The following VAV2 variants were observed in gnomAD, a reference collection of about 807,000 sequenced individuals.
The protein encoded by VAV2 is vav guanine nucleotide exchange factor 2, also known as guanine nucleotide exchange factor VAV2.
A neutral mutation model predicts 132.5 loss-of-function variants in VAV2; 67 were observed. The observed-to-expected ratio is 0.51, with a 90% CI of 0.42 to 0.62. The LOEUF is 0.62. VAV2 is among the 20% of genes least tolerant of loss of function. The pLI, the probability that VAV2 is intolerant of heterozygous loss-of-function variation, is 0.00. For missense variants in VAV2, 938 were observed against 1,153.6 expected (o/e 0.81, Z 2.71); for synonymous variants, 492 against 443.5 (o/e 1.11, Z -1.37).
intron 3 of VAV2, among the ~76,000 whole-genome samples, chr9:133,848,407 C>T (rs536830213): frequency 1.1e-4 from 16 of 151,938 alleles, no homozygotes; most frequent in Admixed American, 3.9e-4. Flanking sequence ...CTGGAGTAGA[C>T]GCAGCTCCTT....
intron 2 of VAV2, among the ~76,000 whole-genome samples, chr9:133,866,397 C>A (rs1411860591): frequency 6.6e-6 from 1 of 152,190 alleles, no homozygotes; most frequent in Non-Finnish European, 1.5e-5. Context: ...CTCACAAGAA[C>A]CTCCAAGCAA....
chr9:133,939,249 G>A lies in VAV2; in HGVS notation c.205-30C>T, dbSNP rs1291415034. On this transcript the variant is annotated intron_variant, in intron 1 of 29. Transcript: ENST00000371850. ...AGGGAAAAAACAAAGGGAGGGCAAG[G>A]AAAAACTTATTAAAACTGTAAGCTC... 4 of 1,592,678 alleles carry A rather than the reference G, an allele frequency of 2.5e-6. No homozygotes were observed. The Admixed American group carries it at 6.7e-5, about 27-fold the overall frequency.
At position 133,788,564 on chromosome 9, in the gene VAV2, C is replaced by T. The variant is rs1834328040; in HGVS notation, c.1275-78G>A. On this transcript the variant is annotated intron_variant, in intron 14 of 29. Coordinates refer to ENST00000371850, the MANE Select transcript of VAV2 (RefSeq NM_001134398.2). This position sits in a 1 kb window ranked among gnomAD's most constrained non-coding sequence, Gnocchi z 5.3. Reference sequence around the variant, plus strand: ...TCCGAGGAGGCGGCAGGAGCTGAGCCTGAGGCTCTGGCACGCGGCTCCCTC... The same window carrying T: ...TCCGAGGAGGCGGCAGGAGCTGAGCTTGAGGCTCTGGCACGCGGCTCCCTC... The T allele has an allele frequency of 1.9e-6, 3 of 1,554,608 alleles. No individual in the cohort carries two copies. Among genetic ancestry groups the T allele is most frequent in the Non-Finnish European group, 2.6e-6 (3 of 1,141,112 alleles).
chr9:133,938,455 A>G (rs1841005499), intron 2 of VAV2, among the ~76,000 whole-genome samples: 1 of 152,130 alleles, frequency 6.6e-6, no homozygotes, highest in African/African-American at 2.4e-5. Context: ...ACAGCCTCCC[A>G]GGGCCTTTGC....
At chr9:133,816,280 C>T (rs765035795) in intron 4 of VAV2, among the ~76,000 whole-genome samples, 34 of 152,342 alleles carry the variant, frequency 2.2e-4, no homozygotes, top group Middle Eastern at 6.8e-3. Flanking sequence ...TGGCTATTCA[C>T]TTTCTTAATG....
At chr9:133,963,317 A>G (rs1842024012) in intron 1 of VAV2, among the ~76,000 whole-genome samples, 1 of 152,196 alleles carries the variant, frequency 6.6e-6, no homozygotes, top group Non-Finnish European at 1.5e-5. Flanking sequence ...AAGACCCAGG[A>G]AACGCCACTG....
At chr9:133,807,111 T>G in intron 8 of VAV2, 147 bp downstream of exon 8, 3 of 865,112 alleles carry the variant, frequency 3.5e-6, no homozygotes, top group Middle Eastern at 3.7e-4. Context: ...GAGAGAGCGG[T>G]GGGGGCTCCT....
intron 2 of VAV2, among the ~76,000 whole-genome samples, chr9:133,937,567 G>A (rs1271408678): frequency 1.3e-5 from 2 of 151,596 alleles, no homozygotes; most frequent in African/African-American, 4.9e-5. Context: ...TGTTCTGAAG[G>A]ACCTTCACTA....
In VAV2 at chr9:133,928,186, T is replaced by C. The variant is rs13292053; in HGVS notation, c.321+10917A>G. On this transcript the variant is annotated intron_variant, in intron 2 of 29. Coordinates refer to ENST00000371850, the MANE Select transcript of VAV2 (RefSeq NM_001134398.2). This position sits in a 1 kb window ranked among gnomAD's most constrained non-coding sequence, Gnocchi z 5.4. ...TACCGACTCCGTGTGTGTGTGTGTGTGTGCGTGCATGTGTGTATGTCTGTG... is the reference window on the plus strand; with the variant it reads ...TACCGACTCCGTGTGTGTGTGTGTGCGTGCGTGCATGTGTGTATGTCTGTG... 0.86 allele frequency among the ~76,000 whole-genome samples: 130,098 copies of C among 151,406 alleles called. 57,030 individuals are homozygous for C. Among genetic ancestry groups the C allele is most frequent in the East Asian group, 0.97 (4,977 of 5,152 alleles).
At chr9:133,849,721 G>A (rs781355423) in intron 3 of VAV2, among the ~76,000 whole-genome samples, 1 of 152,130 alleles carries the variant, frequency 6.6e-6, no homozygotes, top group Non-Finnish European at 1.5e-5. Flanking sequence ...GCTCAGGTGG[G>A]CTCCATGTGT....
chr9:133,936,120 T>C (rs569067934), intron 2 of VAV2, among the ~76,000 whole-genome samples: 59 of 152,152 alleles, frequency 3.9e-4, no homozygotes, highest in African/African-American at 1.4e-3. Flanking sequence ...TTGGAGAAGC[T>C]GAGTCACTTG....
rs553935709 is a variant in VAV2 at position 133,885,606 on chromosome 9, C to A, written c.322-24174G>T. Among the ~76,000 whole-genome samples the A allele has an allele frequency of 6.6e-6, 1 of 152,290 alleles. No individual in the cohort carries two copies. The highest frequency in any genetic ancestry group is 6.5e-5 in the Admixed American group (1 of 15,296). ...CCGCAGGGGAGACGTGACCCCAGGG[C>A]GGACCCCTCCCAAGCTTGGTGTGGT... On this transcript the variant is annotated intron_variant, in intron 2 of 29. Transcript: ENST00000371850. This position sits in a 1 kb window ranked among gnomAD's most constrained non-coding sequence, Gnocchi z 5.0.
chr9:133,929,815 C>G (rs934641777), intron 2 of VAV2, among the ~76,000 whole-genome samples: 43 of 152,272 alleles, frequency 2.8e-4, no homozygotes, highest in Middle Eastern at 6.8e-3. Flanking sequence ...CCCCCAGCGG[C>G]CTGTCCCCAC....
chr9:133,967,933 CAAAAAAAAA>C (rs34152925), intron 1 of VAV2, among the ~76,000 whole-genome samples: 2 of 71,362 alleles, frequency 2.8e-5, no homozygotes. Flanking sequence ...ACTCTATAAC[CAAAAAAAAA>C]AAAAAAAAAA....
At chr9:133,931,900 A>G (rs1232049092) in intron 2 of VAV2, among the ~76,000 whole-genome samples, 3 of 152,302 alleles carry the variant, frequency 2.0e-5, no homozygotes, top group Non-Finnish European at 4.4e-5. Context: ...GTTACCGTGC[A>G]CCAGTTGCTT....
chr9:133,839,646 T>C, intron 3 of VAV2, among the ~76,000 whole-genome samples: 1 of 152,040 alleles, frequency 6.6e-6, no homozygotes, highest in East Asian at 1.9e-4. Flanking sequence ...AGACAGGGTT[T>C]CACTATGGTG....
Position 133,992,031 on chromosome 9 carries a change from C to G in VAV2, c.204+44G>C, listed in dbSNP as rs200921358. On this transcript the variant is annotated intron_variant, in intron 1 of 29. Transcript: ENST00000371850. The surrounding 1 kb of genome is among the most constrained non-coding windows in gnomAD (Gnocchi z 5.5). ...CGTTCAGTCCGCGCGTCGGGCAGCG[C>G]GAACGCCGCCTCCCCGGGGCCCTCC... The G allele has an allele frequency of 2.1e-4, 310 of 1,447,484 alleles. 3 individuals are homozygous for G. In the East Asian group the frequency reaches 9.0e-3, roughly 42 times the overall value. 89.7% of individuals were successfully genotyped at this position (1,447,484 alleles called of 1,614,324 possible). A position where few individuals can be genotyped will look rare whatever the true frequency, so the allele number is the denominator to read the frequency against.
rs963099022 is a variant in VAV2, at chr9:133,991,240, A to G, written c.204+835T>C. On this transcript the variant is annotated intron_variant, in intron 1 of 29. Coordinates refer to ENST00000371850, the MANE Select transcript of VAV2 (RefSeq NM_001134398.2). The surrounding 1 kb of genome is among the most constrained non-coding windows in gnomAD (Gnocchi z 4.8). ...CCGGTAAGGATTCCGCGACCCCCGGAGAACAGGACGGAAGCCTCGATTCTC... is the reference window on the plus strand; with the variant it reads ...CCGGTAAGGATTCCGCGACCCCCGGGGAACAGGACGGAAGCCTCGATTCTC... Among the ~76,000 whole-genome samples, 5 of 152,148 alleles carry G rather than the reference A, an allele frequency of 3.3e-5. No individual in the cohort carries two copies. The highest frequency in any genetic ancestry group is 4.4e-5 in the Non-Finnish European group (3 of 68,032).
rs1837421641 is a variant in VAV2 at position 133,857,312 on chromosome 9, C to A, written c.380+4062G>T. Among the ~76,000 whole-genome samples the A allele has an allele frequency of 6.6e-6, 1 of 152,214 alleles. No homozygotes were observed. The highest frequency in any genetic ancestry group is 1.5e-5 in the Non-Finnish European group (1 of 68,048). On this transcript the variant is annotated intron_variant, in intron 3 of 29. Coordinates refer to ENST00000371850, the MANE Select transcript of VAV2 (RefSeq NM_001134398.2). The surrounding 1 kb of genome is among the most constrained non-coding windows in gnomAD (Gnocchi z 4.0). The stretch of plus-strand genomic sequence containing the variant: ...CCCACTCTACAACCACAATCCTCCC[C>A]CTTGCCCCGCTTCCCCAACACGTTT...
Sources: allele counts gnomAD v4.1 joint callset (sites outside exome capture counted in the v4.1 genomes callset), GRCh38; gene constraint gnomAD v4.1.1; non-coding constraint Gnocchi (gnomAD v3.1); transcripts MANE v1.5; gene names NCBI Gene and HGNC (gene_info 2026-07-23, HGNC 2026-07-21).